Variants in MEGF10 observed in about 807,000 individuals in gnomAD.
MEGF10 encodes multiple EGF like domains 10, also known as multiple epidermal growth factor-like domains protein 10.
A neutral mutation model predicts 147.5 loss-of-function variants in MEGF10; 86 were observed. The ratio of observed to expected loss-of-function variants is 0.58; its 90% CI spans 0.49 to 0.70. The LOEUF (loss-of-function observed/expected upper bound fraction) is 0.70, where lower values mean the gene tolerates loss of function less well. Among genes scored for constraint, MEGF10 ranks in the 30% least tolerant of loss-of-function variants. The pLI is 0.00. For missense variants in MEGF10, 1,329 were observed against 1,487.3 expected (o/e 0.89, Z 1.75); for synonymous variants, 478 against 525.5 (o/e 0.91, Z 1.24).
intron 5 of MEGF10, among the ~76,000 whole-genome samples, chr5:127,371,201 G>C (rs955073993): frequency 9.3e-6 from 1 of 107,592 alleles, no homozygotes; most frequent in African/African-American, 3.6e-5. Context: ...CTGTGTGTGT[G>C]TGTGTGTGTG....
chr5:127,247,414 A>AGAAGGAGAAGG, the MEGF10 span, among the ~76,000 whole-genome samples: 1 of 78,420 alleles, frequency 1.3e-5, no homozygotes, highest in African/African-American at 6.9e-5. Flanking sequence ...GAAGAAGAAG[A>AGAAGGAGAAGG]AGAAGAAGAA....
At chr5:127,375,453 C>A (rs1045343908) in intron 5 of MEGF10, among the ~76,000 whole-genome samples, 4 of 152,134 alleles carry the variant, frequency 2.6e-5, no homozygotes, top group African/African-American at 7.2e-5. Flanking sequence ...TTTGTTCTCC[C>A]AAAATGAAAT....
chr5:127,395,383 T>C (rs1433750487), intron 5 of MEGF10, among the ~76,000 whole-genome samples: 3 of 152,066 alleles, frequency 2.0e-5, no homozygotes, highest in Non-Finnish European at 4.4e-5. Context: ...CGTTTGCCTA[T>C]TATCTTTTCA....
intron 5 of MEGF10, among the ~76,000 whole-genome samples, chr5:127,395,635 C>T (rs1473778633): frequency 2.7e-5 from 4 of 150,510 alleles, no homozygotes; most frequent in Admixed American, 2.7e-4. Flanking sequence ...AGCTCCGCCT[C>T]CCGGGTTCAC....
At chr5:127,394,292 A>G (rs11949373) in intron 5 of MEGF10, among the ~76,000 whole-genome samples, 25,446 of 152,150 alleles carry the variant, frequency 0.17, 2,258 homozygotes, top group African/African-American at 0.23. Flanking sequence ...TTTTGAAAGT[A>G]TGGAAAAGTA....
Position 127,449,111 on chromosome 5 carries a change from C to A in MEGF10, c.2869C>A (p.Gln957Lys), listed in dbSNP as rs779956858. 1 of 1,613,990 alleles carries A rather than the reference C, an allele frequency of 6.2e-7. No homozygotes were observed. Among genetic ancestry groups the A allele is most frequent in the Non-Finnish European group, 8.5e-7 (1 of 1,179,954 alleles). The part of the protein sequence containing the change: ...RMTVTKSKNN[Q>K]LFVNLKNVNP... Reference sequence around the variant, plus strand: ...ATATTTTTAACAGTCAAAAAACAATCAACTGTTTGTGAATCTTAAAAATGT... The same window carrying A: ...ATATTTTTAACAGTCAAAAAACAATAAACTGTTTGTGAATCTTAAAAATGT... The change falls in exon 22 of 25, where the codon CAA becomes AAA. Residue 957 changes from glutamine (Q) to lysine (K), a missense_variant. Gln to Lys is a moderately conservative substitution (Grantham distance 53). Transcript: ENST00000503335.
the MEGF10 span, among the ~76,000 whole-genome samples, chr5:127,239,223 C>T: frequency 2.0e-5 from 3 of 151,562 alleles, no homozygotes; most frequent in Middle Eastern, 3.4e-3. Flanking sequence ...GATCCTGGAT[C>T]GGGGGGAAAA....
At chr5:127,277,819 G>T in the MEGF10 span, among the ~76,000 whole-genome samples, 1 of 152,174 alleles carries the variant, frequency 6.6e-6, no homozygotes, top group African/African-American at 2.4e-5. Flanking sequence ...ATGACACCAA[G>T]GTTTTTGATA....
At chr5:127,277,039 G>A in the MEGF10 span, among the ~76,000 whole-genome samples, 5 of 152,296 alleles carry the variant, frequency 3.3e-5, no homozygotes, top group East Asian at 9.6e-4. Context: ...ATAAAAGCAA[G>A]GGGACCAAAG....
chr5:127,247,096 T>C, the MEGF10 span, among the ~76,000 whole-genome samples: 1 of 135,184 alleles, frequency 7.4e-6, no homozygotes, highest in African/African-American at 2.8e-5. Flanking sequence ...AAGTAAAGCA[T>C]GATAGTTTTC....
the MEGF10 span, among the ~76,000 whole-genome samples, chr5:127,279,020 T>C: frequency 6.6e-6 from 1 of 152,254 alleles, no homozygotes; most frequent in Non-Finnish European, 1.5e-5. Flanking sequence ...AGTGCCACCA[T>C]GGAGTTTGTG....
chr5:127,374,535 C>A (rs1384204691), intron 5 of MEGF10, among the ~76,000 whole-genome samples: 4 of 152,188 alleles, frequency 2.6e-5, no homozygotes, highest in Non-Finnish European at 5.9e-5. Flanking sequence ...TGTATTTCCA[C>A]CTAATATACA....
intron 5 of MEGF10, among the ~76,000 whole-genome samples, chr5:127,381,645 TG>T: frequency 6.6e-6 from 1 of 152,172 alleles, no homozygotes; most frequent in South Asian, 2.1e-4. Context: ...TATTTTATTG[TG>T]TTTTGTTGTT....
At position 127,451,473 on chromosome 5, in the gene MEGF10, C is replaced by T. The variant is rs1315527784; in HGVS notation, c.2980+2251C>T. 3.3e-5 allele frequency among the ~76,000 whole-genome samples: 5 copies of T among 152,176 alleles called. No homozygotes were observed. The East Asian group carries it at 7.7e-4, about 23-fold the overall frequency. ...AGTAAAATTATTTACATACGAGACT[C>T]ACAATATGCTTATTGGTAACATCAT... On this transcript the variant is annotated intron_variant, in intron 22 of 24. Coordinates refer to ENST00000503335, the MANE Select transcript of MEGF10 (RefSeq NM_001256545.2).
the MEGF10 span, among the ~76,000 whole-genome samples, chr5:127,278,470 A>G: frequency 6.6e-6 from 1 of 152,236 alleles, no homozygotes; most frequent in Admixed American, 6.5e-5. Context: ...GAATAGCTGT[A>G]GGAGGAGAAC....
chr5:127,446,184 A>G (rs1765936922), intron 20 of MEGF10, among the ~76,000 whole-genome samples: 1 of 152,200 alleles, frequency 6.6e-6, no homozygotes, highest in Admixed American at 6.5e-5. Context: ...AGCAAGAACC[A>G]AGGCAGCCCT....
rs746014491 is a variant in MEGF10, at chr5:127,457,353, T to C, written c.*35T>C. 1 of 1,592,970 alleles carries C rather than the reference T, an allele frequency of 6.3e-7. No individual in the cohort carries two copies. The highest frequency in any genetic ancestry group is 8.5e-7 in the Non-Finnish European group (1 of 1,171,940). ...ACCGCTTGGTAGCCACTGGAACCCT[T>C]TCCAGAACTGCTGTTTGGTTCTTCT... On this transcript the variant is annotated 3_prime_UTR_variant, in exon 25 of 25. Transcript: ENST00000503335.
At chr5:127,309,688 C>A (rs1443388913) in intron 1 of MEGF10, among the ~76,000 whole-genome samples, 1 of 152,128 alleles carries the variant, frequency 6.6e-6, no homozygotes, top group Non-Finnish European at 1.5e-5. Context: ...TCCATTCATT[C>A]ATTAATGGAC....
the MEGF10 span, among the ~76,000 whole-genome samples, chr5:127,274,116 C>T: frequency 0.012 from 1,808 of 152,048 alleles, 36 homozygotes; most frequent in African/African-American, 0.039. Context: ...CATGAAAAAA[C>T]AATCAGCCCA....
Sources: allele counts gnomAD v4.1 joint callset (sites outside exome capture counted in the v4.1 genomes callset), GRCh38; gene constraint gnomAD v4.1.1; transcripts MANE v1.5; gene names NCBI Gene and HGNC (gene_info 2026-07-23, HGNC 2026-07-21).